The following RYR1 variants were observed in gnomAD, a reference collection of about 807,000 sequenced individuals.
RYR1 encodes the protein ryanodine receptor 1.
RYR1 carries 342 observed loss-of-function variants against 583.5 expected under a neutral mutation model. That is an observed-to-expected ratio of 0.59 (90% CI 0.54 to 0.64). RYR1 has a LOEUF of 0.64. Among genes scored for constraint, RYR1 ranks in the 30% least tolerant of loss-of-function variants. The pLI is 0.00. For missense variants in RYR1, 6,032 were observed against 6,917.2 expected, an observed-to-expected ratio of 0.87 and a Z score of 4.54; for synonymous variants, 2,791 against 2,822.5, an observed-to-expected ratio of 0.99 and a Z score of 0.35.
intron 28 of RYR1, among the ~76,000 whole-genome samples, chr19:38,474,411 C>T (rs531710325): frequency 3.4e-4 from 51 of 151,098 alleles, no homozygotes; most frequent in African/African-American, 8.8e-4. Context: ...TACAGGCACG[C>T]GCCACCATGC....
chr19:38,460,282 A>G, intron 19 of RYR1, 93 bp from the exon 20 acceptor site: 1 of 1,204,296 alleles, frequency 8.3e-7, no homozygotes, highest in Non-Finnish European at 1.2e-6. Flanking sequence ...AGAACTTTCC[A>G]TTGATCCCAG....
At chr19:38,577,872 C>T in intron 97 of RYR1, 46 bp from the exon 98 acceptor site, 4 of 1,612,818 alleles carry the variant, frequency 2.5e-6, no homozygotes, top group Non-Finnish European at 3.4e-6. Flanking sequence ...ACGACACACA[C>T]CCACACTCCA....
Position 38,565,779 on chromosome 19 carries a change from A to G in RYR1, c.13437+8A>G. The G allele has an allele frequency of 7.2e-7, 1 of 1,386,592 alleles. No individual in the cohort carries two copies. The highest frequency in any genetic ancestry group is 9.3e-7 in the Non-Finnish European group (1 of 1,079,446). 85.9% of individuals were successfully genotyped at this position (1,386,592 alleles called of 1,614,324 possible). A position where few individuals can be genotyped will look rare whatever the true frequency, so the allele number is the denominator to read the frequency against. ...CTCAAGAGGAAATTGGGGGTGAGAG[A>G]GCAGGCGGGGTTTTGGGGTTTTGGA... On this transcript the variant is annotated splice_region_variant and intron_variant, in intron 91 of 105. Transcript: ENST00000359596. The surrounding 1 kb of genome is among the most constrained non-coding windows in gnomAD (Gnocchi z 4.7).
Position 38,528,378 on chromosome 19 carries a change from G to A in RYR1, c.10897G>A (p.Val3633Met), listed in dbSNP as rs748954555. 2 of 1,614,160 alleles carry A rather than the reference G, an allele frequency of 1.2e-6. No homozygotes were observed. The highest frequency in any genetic ancestry group is 2.2e-5 in the East Asian group (1 of 44,870). ...LLSKQRRRAV[V>M]ACFRMTPLYN... ...GTCCAAACAGCGCCGGCGGGCAGTC[G>A]TGGCCTGTTTCCGTATGACGCCCCT... Residue 3633 changes from valine to methionine, a missense_variant, in exon 74 of 106, where the codon GTG (valine) becomes ATG (methionine). Transcript: ENST00000359596.
intron 67 of RYR1, among the ~76,000 whole-genome samples, chr19:38,522,170 TG>T (rs554754433): frequency 4.3e-4 from 66 of 152,326 alleles, no homozygotes; most frequent in African/African-American, 1.5e-3. Flanking sequence ...TGTGTTCATT[TG>T]TGATAATTCA....
intron 7 of RYR1, 91 bp from the exon 8 acceptor site, chr19:38,446,380 AG>A: frequency 1.1e-6 from 1 of 944,948 alleles, no homozygotes; most frequent in Non-Finnish European, 1.7e-6. Context: ...AGGTTCCCCC[AG>A]GGGAGGAGCA....
At chr19:38,534,901 C>T in intron 79 of RYR1, 82 bp downstream of exon 79, 1 of 1,456,200 alleles carries the variant, frequency 6.9e-7, no homozygotes, top group South Asian at 1.2e-5. Context: ...TCCCTGTGGA[C>T]CCATTTGCCG....
chr19:38,505,759 C>G, intron 53 of RYR1, 47 bp from the exon 54 acceptor site: 1 of 1,612,852 alleles, frequency 6.2e-7, no homozygotes, highest in Non-Finnish European at 8.5e-7. Flanking sequence ...TCCTCCACCC[C>G]TCTCTCATCC....
In RYR1 at chr19:38,500,099, G is replaced by A. The variant is rs1037303314; in HGVS notation, c.7323+83G>A. The A allele has an allele frequency of 1.2e-5, 14 of 1,194,670 alleles. No individual in the cohort carries two copies. The highest frequency in any genetic ancestry group is 1.1e-4 in the Admixed American group (6 of 54,782). The allele number at this position is 1,194,670 out of a possible 1,614,324, so 74.0% of individuals were successfully genotyped here. ...GCCTCATGCAGGCACTCGGTGACACGGAGTGAGCTCCCATATGTGGGTGGT... is the reference window on the plus strand; with the variant it reads ...GCCTCATGCAGGCACTCGGTGACACAGAGTGAGCTCCCATATGTGGGTGGT... On this transcript the variant is annotated intron_variant, in intron 45 of 105. Coordinates refer to ENST00000359596, the MANE Select transcript of RYR1 (RefSeq NM_000540.3). The surrounding 1 kb of genome is among the most constrained non-coding windows in gnomAD (Gnocchi z 5.9).
Position 38,446,570 on chromosome 19 carries a change from G to T in RYR1, c.725+5G>T. ...TGACAGTGATGACCAGCGCAGGTCT[G>T]GGCTGTGGACGAGAGGGCCTGGGGT... On this transcript the variant is annotated splice_donor_5th_base_variant and intron_variant, in intron 8 of 105. Transcript: ENST00000359596. The T allele has an allele frequency of 1.2e-6, 2 of 1,613,544 alleles. No individual in the cohort carries two copies. Among genetic ancestry groups the T allele is most frequent in the Non-Finnish European group, 1.7e-6 (2 of 1,179,438 alleles).
intron 50 of RYR1, 29 bp downstream of exon 50, chr19:38,504,389 C>G: frequency 6.2e-7 from 1 of 1,610,290 alleles, no homozygotes; most frequent in Non-Finnish European, 8.5e-7. Flanking sequence ...CCCAAAATGG[C>G]CTATGTGGAG....
intron 94 of RYR1, among the ~76,000 whole-genome samples, chr19:38,571,511 C>T (rs1025069238): frequency 1.3e-5 from 2 of 152,098 alleles, no homozygotes; most frequent in African/African-American, 4.8e-5. Flanking sequence ...GTGGCGGGCA[C>T]CTGTAATCCA....
intron 88 of RYR1, 98 bp downstream of exon 88, chr19:38,546,624 A>G: frequency 1.1e-6 from 1 of 931,556 alleles, no homozygotes; most frequent in Non-Finnish European, 1.7e-6. Flanking sequence ...CCTCAACCCC[A>G]TCTGACATCG....
At position 38,512,532 on chromosome 19, in the gene RYR1, A is replaced by C. The variant is rs1287930570; in HGVS notation, c.9472+49A>C. Reference sequence around the variant, plus strand: ...AGGTTGCGGGGAGTCAGTGTGGCCAACACCACCCATCCGGGTGCCTGTGAG... The same window carrying C: ...AGGTTGCGGGGAGTCAGTGTGGCCACCACCACCCATCCGGGTGCCTGTGAG... On this transcript the variant is annotated intron_variant, in intron 63 of 105. Coordinates refer to ENST00000359596, the MANE Select transcript of RYR1 (RefSeq NM_000540.3). The surrounding 1 kb of genome is among the most constrained non-coding windows in gnomAD (Gnocchi z 5.1). 9.7e-6 allele frequency: 15 copies of C among 1,544,448 alleles called. No individual in the cohort carries two copies. The highest frequency in any genetic ancestry group is 1.3e-5 in the Non-Finnish European group (15 of 1,128,226).
chr19:38,489,477 C>T (rs1969455629), intron 35 of RYR1, 34 bp downstream of exon 35: 2 of 1,613,164 alleles, frequency 1.2e-6, no homozygotes, highest in African/African-American at 1.3e-5. Flanking sequence ...CGGCCTCTGT[C>T]CATCTGGGCT....
chr19:38,569,354 C>T (rs192906394), intron 93 of RYR1, among the ~76,000 whole-genome samples: 1 of 151,724 alleles, frequency 6.6e-6, no homozygotes, highest in East Asian at 1.9e-4. Flanking sequence ...CCTTGCAGAG[C>T]AGGGCTACCC....
chr19:38,492,472 C>T lies in RYR1; in HGVS notation c.6128-18C>T. 2 of 1,614,028 alleles carry T rather than the reference C, an allele frequency of 1.2e-6. No homozygotes were observed. The highest frequency in any genetic ancestry group is 2.2e-5 in the East Asian group (1 of 44,880). ...CAAACTAATGAATGACATTTCCCGCCTTCTTGACCACTTCCAGGAATTCAG... is the reference window on the plus strand; with the variant it reads ...CAAACTAATGAATGACATTTCCCGCTTTCTTGACCACTTCCAGGAATTCAG... On this transcript the variant is annotated intron_variant, in intron 37 of 105. Coordinates refer to ENST00000359596, the MANE Select transcript of RYR1 (RefSeq NM_000540.3).
intron 34 of RYR1, among the ~76,000 whole-genome samples, chr19:38,487,471 A>T (rs575740943): frequency 3.0e-4 from 45 of 152,034 alleles, no homozygotes; most frequent in African/African-American, 1.1e-3. Context: ...CTTCTGCCTC[A>T]GCCTCCCAAG....
chr19:38,478,590 C>A lies in RYR1; in HGVS notation c.4610C>A (p.Thr1537Asn), dbSNP rs748669017. The A allele has an allele frequency of 6.2e-7, 1 of 1,612,084 alleles. No individual in the cohort carries two copies. Among genetic ancestry groups the A allele is most frequent in the East Asian group, 2.2e-5 (1 of 44,900 alleles). ...ACAGCCAATGGCAAAGAGAGCAACA[C>A]CTTTTTCCAGGTGAGTCCAGGCCAC... ...TFTANGKESN[T>N]FFQVEPNTKL... Residue 1537 changes from threonine to asparagine, a missense_variant, in exon 31 of 106, where the codon ACC becomes AAC. Thr to Asn is a moderately conservative substitution (Grantham distance 65). This residue lies in a region of RYR1 where 2,627 missense variants were observed against 2,961.3 expected (regional missense o/e 0.89). Coordinates refer to ENST00000359596, the MANE Select transcript of RYR1 (RefSeq NM_000540.3).
Sources: allele counts gnomAD v4.1 joint callset (sites outside exome capture counted in the v4.1 genomes callset), GRCh38; gene constraint gnomAD v4.1.1; regional missense constraint gnomAD v4.1.1; non-coding constraint Gnocchi (gnomAD v3.1); transcripts MANE v1.5; gene names NCBI Gene and HGNC (gene_info 2026-07-23, HGNC 2026-07-21).